The following KCTD19 variants were observed in gnomAD, a reference collection of about 807,000 sequenced individuals.
KCTD19 encodes potassium channel tetramerization domain containing 19.
A neutral mutation model predicts 103.5 loss-of-function variants in KCTD19; 67 were observed. The ratio of observed to expected loss-of-function variants is 0.65; its 90% CI spans 0.53 to 0.79. KCTD19 has a LOEUF of 0.79. KCTD19 is among the 30% of genes least tolerant of loss of function. The pLI is 0.00. For synonymous variants in KCTD19, 439 were observed against 452.2 expected (o/e 0.97, Z 0.37); for missense variants, 980 against 1,136.1 (o/e 0.86, Z 1.98).
Position 67,303,829 on chromosome 16 carries a change from G to A in KCTD19, c.452-492C>T, listed in dbSNP as rs1198629966. Among the ~76,000 whole-genome samples the A allele has an allele frequency of 6.6e-6, 1 of 152,244 alleles. No homozygotes were observed. Among genetic ancestry groups the A allele is most frequent in the African/African-American group, 2.4e-5 (1 of 41,464 alleles). ...CCCAAAATGCTGGGATTACAGGCAT[G>A]AGCCACCGTGCCCAGCTGGAAATCT... On this transcript the variant is annotated intron_variant, in intron 3 of 15. Transcript: ENST00000304372. The surrounding 1 kb of genome is among the most constrained non-coding windows in gnomAD (Gnocchi z 4.3).
At chr16:67,295,475 C>G (rs2036754915) in intron 8 of KCTD19, 70 bp from the exon 9 acceptor site, 9 of 1,438,510 alleles carry the variant, frequency 6.3e-6, no homozygotes, top group African/African-American at 1.4e-5. Context: ...TCAATCTTCT[C>G]TCACTCCCCT....
chr16:67,304,550 C>T lies in KCTD19; in HGVS notation c.322G>A (p.Gly108Arg), dbSNP rs1163529112. ...LLQTLDNLKE[G>R]KHHLRVRPAD... ...GGCCGTACGCGTAGATGGTGTTTCC[C>T]TTCCTTCAGGTTATCTAGAGTCTGT... The change falls in exon 3 of 16, where the codon GGG (glycine) becomes AGG (arginine). Residue 108 changes from glycine to arginine, a missense_variant. By Grantham distance (125) the Gly-to-Arg change is moderately radical. Coordinates refer to ENST00000304372, the MANE Select transcript of KCTD19 (RefSeq NM_001100915.3). 1.2e-5 allele frequency: 20 copies of T among 1,613,954 alleles called. No individual in the cohort carries two copies. The highest frequency in any genetic ancestry group is 1.4e-5 in the Non-Finnish European group (17 of 1,179,934).
At position 67,293,432 on chromosome 16, in the gene KCTD19, T is replaced by C; in HGVS notation, c.2218+112A>G. ...CTGCCTGGCACAGAGATGGCATTGG[T>C]GAGCGGGGGGGTCTAGTCCTCCTTT... On this transcript the variant is annotated intron_variant, in intron 12 of 15. Transcript: ENST00000304372. This position sits in a 1 kb window ranked among gnomAD's most constrained non-coding sequence, Gnocchi z 4.0. 8.4e-7 allele frequency: 1 copy of C among 1,193,130 alleles called. No homozygotes were observed. Among genetic ancestry groups the C allele is most frequent in the South Asian group, 1.5e-5 (1 of 68,168 alleles). 73.9% of individuals were successfully genotyped at this position (1,193,130 alleles called of 1,614,324 possible).
At chr16:67,306,028 G>A (rs1399697515) in intron 2 of KCTD19, among the ~76,000 whole-genome samples, 2 of 152,190 alleles carry the variant, frequency 1.3e-5, no homozygotes, top group Non-Finnish European at 2.9e-5. Flanking sequence ...GCTTTCCTGT[G>A]GCAGTGAACA....
intron 14 of KCTD19, 107 bp from the exon 15 acceptor site, chr16:67,291,093 G>A (rs1333654790): frequency 3.1e-6 from 4 of 1,270,796 alleles, no homozygotes; most frequent in Non-Finnish European, 3.3e-6. Flanking sequence ...AGGGGTAGGG[G>A]GCGGGCACTG....
rs1444686968 is a variant in KCTD19 at position 67,299,110 on chromosome 16, C to T, written c.986+253G>A. On this transcript the variant is annotated intron_variant, in intron 6 of 15. Coordinates refer to ENST00000304372, the MANE Select transcript of KCTD19 (RefSeq NM_001100915.3). ...GGGCTAGAACCAGGGAAATGGACTG[C>T]AGAGGACAGAAATAGGAAATGGTCT... Among the ~76,000 whole-genome samples, 4 of 152,268 alleles carry T rather than the reference C, an allele frequency of 2.6e-5. No individual in the cohort carries two copies. The East Asian group carries it at 7.7e-4, about 29-fold the overall frequency.
chr16:67,293,968 A>G lies in KCTD19; in HGVS notation c.1794T>C (p.Pro598=), dbSNP rs936441491. The change falls in exon 12 of 16, where the codon CCT becomes CCC. Residue 598 remains proline, a synonymous_variant. Coordinates refer to ENST00000304372, the MANE Select transcript of KCTD19 (RefSeq NM_001100915.3). This position sits in a 1 kb window ranked among gnomAD's most constrained non-coding sequence, Gnocchi z 4.0. ...YSHCRGLCTN[P]GHWGSHPESP... is the part of the protein sequence containing the mutation. ...TCTCAGGGTGGCTCCCCCAGTGTCC[A>G]GGATTGGTACACAAGCCACGGCAGT... 3 of 1,613,906 alleles carry G rather than the reference A, an allele frequency of 1.9e-6. No individual in the cohort carries two copies. Among genetic ancestry groups the G allele is most frequent in the African/African-American group, 2.7e-5 (2 of 74,844 alleles).
In KCTD19 at chr16:67,290,987, C is replaced by T; in HGVS notation, c.2566-1G>A. The T allele has an allele frequency of 6.2e-7, 1 of 1,613,922 alleles. No homozygotes were observed. Among genetic ancestry groups the T allele is most frequent in the Non-Finnish European group, 8.5e-7 (1 of 1,179,906 alleles). ...ACTGCTTGGGGCTGATGTGCAGGGT[C>T]TGCCAGGAGAGCCCACAGTCAGGCA... On this transcript the variant is annotated splice_acceptor_variant, in intron 14 of 15. Transcript: ENST00000304372. LOFTEE classifies it high-confidence loss of function.
intron 4 of KCTD19, chr16:67,302,439 T>C (rs1042311470): frequency 6.3e-6 from 1 of 159,462 alleles, no homozygotes; most frequent in African/African-American, 2.4e-5. Context: ...ACTATGAATA[T>C]GAATGACTGG....
intron 15 of KCTD19, 82 bp from the exon 16 acceptor site, chr16:67,289,764 G>C: frequency 9.7e-7 from 1 of 1,033,000 alleles, no homozygotes; most frequent in Non-Finnish European, 1.5e-6. Flanking sequence ...TCTCCCATTG[G>C]GGCAGGGACA....
At chr16:67,324,472 T>C (rs1359827032) in intron 1 of KCTD19, among the ~76,000 whole-genome samples, 1 of 152,230 alleles carries the variant, frequency 6.6e-6, no homozygotes, top group Non-Finnish European at 1.5e-5. Context: ...GATGGACAGA[T>C]AGGATTGCTA....
At chr16:67,306,042 G>C (rs575485228) in intron 2 of KCTD19, among the ~76,000 whole-genome samples, 11 of 152,264 alleles carry the variant, frequency 7.2e-5, no homozygotes, top group South Asian at 4.1e-4. Flanking sequence ...GTGAACAATG[G>C]GGGAGACAGT....
At chr16:67,314,837 A>G (rs1369915306) in intron 2 of KCTD19, among the ~76,000 whole-genome samples, 6 of 114,260 alleles carry the variant, frequency 5.3e-5, no homozygotes, top group Non-Finnish European at 1.8e-5. Context: ...ATATAGAGAG[A>G]GAGAGAGAGA....
rs1050205906 is a variant in KCTD19 at position 67,296,354 on chromosome 16, C to G, written c.1148-95G>C. 1.9e-5 allele frequency: 15 copies of G among 774,564 alleles called. No individual in the cohort carries two copies. The African/African-American group carries it at 2.5e-4, about 13-fold the overall frequency. The allele number at this position is 774,564 out of a possible 1,614,324, so 48.0% of individuals were successfully genotyped here. Reference sequence around the variant, plus strand: ...TAGTAGTGTATTTCACGTTAAGTCTCAATATCTTTCCTCAGTCATATTGTG... The same window carrying G: ...TAGTAGTGTATTTCACGTTAAGTCTGAATATCTTTCCTCAGTCATATTGTG... On this transcript the variant is annotated intron_variant, in intron 7 of 15. Transcript: ENST00000304372.
intron 5 of KCTD19, chr16:67,301,238 G>C (rs889700369): frequency 6.5e-6 from 1 of 153,306 alleles, no homozygotes; most frequent in South Asian, 2.1e-4. Flanking sequence ...CTGGGAGCAC[G>C]AAGGCCTAGG....
chr16:67,305,644 C>T (rs896789817), intron 2 of KCTD19: 7 of 454,166 alleles, frequency 1.5e-5, no homozygotes, highest in South Asian at 9.3e-5. Context: ...ACATCAGCAC[C>T]CCCTCCCTTT....
At chr16:67,304,383 G>C (rs1046387397) in intron 3 of KCTD19, 38 bp downstream of exon 3, 3 of 1,606,762 alleles carry the variant, frequency 1.9e-6, no homozygotes, top group Admixed American at 3.3e-5. Flanking sequence ...GGGAAAGTTG[G>C]TGTGGGCTTT....
chr16:67,297,240 C>A, intron 7 of KCTD19, among the ~76,000 whole-genome samples: 1 of 152,200 alleles, frequency 6.6e-6, no homozygotes, highest in Admixed American at 6.5e-5. Flanking sequence ...CTCCCAGGGT[C>A]AAGGCAGGCC....
At position 67,296,209 on chromosome 16, in the gene KCTD19, C is replaced by T. The variant is rs776521950; in HGVS notation, c.1198G>A (p.Val400Met). 2.5e-6 allele frequency: 4 copies of T among 1,613,830 alleles called. No individual in the cohort carries two copies. Among genetic ancestry groups the T allele is most frequent in the Non-Finnish European group, 3.4e-6 (4 of 1,179,834 alleles). The change falls in exon 8 of 16, where the codon GTG (valine) becomes ATG (methionine). Residue 400 changes from valine (V) to methionine (M), a missense_variant. Physicochemically the swap from Val to Met is conservative, Grantham distance 21 (BLOSUM62 1). Coordinates refer to ENST00000304372, the MANE Select transcript of KCTD19 (RefSeq NM_001100915.3). ...GCGTACCAGTGGCTTCCAACATACA[C>T]TTTGATGATCTGTTGTGGGGAATAC... is the stretch of plus-strand genomic sequence containing the variant. ...TVYSPQQIIK[V>M]YVGSHWYATT...
Sources: allele counts gnomAD v4.1 joint callset (sites outside exome capture counted in the v4.1 genomes callset), GRCh38; gene constraint gnomAD v4.1.1; non-coding constraint Gnocchi (gnomAD v3.1); transcripts MANE v1.5; gene names NCBI Gene and HGNC (gene_info 2026-07-23, HGNC 2026-07-21).